Variants in CBX3 observed in about 807,000 individuals in gnomAD.
The protein encoded by CBX3 is chromobox 3.
A neutral mutation model predicts 22.6 loss-of-function variants in CBX3; 5 were observed. That is an observed-to-expected ratio of 0.22 (90% CI 0.12 to 0.47). The LOEUF is 0.47. CBX3 is among the 20% of genes least tolerant of loss of function. The pLI, the probability that CBX3 is intolerant of heterozygous loss-of-function variation, is 0.99. For synonymous variants in CBX3, 50 were observed against 66.6 expected, an observed-to-expected ratio of 0.75 and a Z score of 1.21; for missense variants, 83 against 208.1, an observed-to-expected ratio of 0.40 and a Z score of 3.70.
At chr7:26,211,612 A>G (rs376571594) in intron 4 of CBX3, 50 bp from the exon 5 acceptor site, 1 of 1,186,490 alleles carries the variant, frequency 8.4e-7, no homozygotes, top group East Asian at 2.4e-5. Flanking sequence ...ACGCCATGAA[A>G]ACAATTTAAT....
At chr7:26,201,555 G>C (rs1379301740), upstream of CBX3, 1 of 150,928 alleles carries the variant, frequency 6.6e-6, no homozygotes, top group Non-Finnish European at 1.5e-5. Flanking sequence ...GCGCCACGCC[G>C]CGAACGGTAA....
rs539615297 is a variant in CBX3 at position 26,204,567 on chromosome 7, G to A, written c.24+1545G>A. On this transcript the variant is annotated intron_variant, in intron 2 of 5. Transcript: ENST00000396386. ...CAGGGGATTTTTATTTTGTGTGTGTGTATGTGTTACCTATATGCTTGCATA... is the reference window on the plus strand; with the variant it reads ...CAGGGGATTTTTATTTTGTGTGTGTATATGTGTTACCTATATGCTTGCATA... Among the ~76,000 whole-genome samples the A allele has an allele frequency of 2.6e-5, 4 of 152,240 alleles. No homozygotes were observed. In the East Asian group the frequency reaches 7.7e-4, roughly 29 times the overall value.
rs558509108 is a variant in CBX3 at position 26,212,247 on chromosome 7, T to C, written c.*39T>C. On this transcript the variant is annotated 3_prime_UTR_variant, in exon 6 of 6. Transcript: ENST00000396386. ...TCTTTTATATATATTTATATATATA[T>C]ATAAAAATTGGGTCTTAGATTTTGA... 4 of 1,117,668 alleles carry C rather than the reference T, an allele frequency of 3.6e-6. No homozygotes were observed. In the East Asian group the frequency reaches 1.1e-4, roughly 30 times the overall value. The allele number at this position is 1,117,668 out of a possible 1,614,324, so 69.2% of individuals were successfully genotyped here. A position where few individuals can be genotyped will look rare whatever the true frequency, so the allele number is the denominator to read the frequency against.
chr7:26,203,575 G>A (rs1211161049), intron 2 of CBX3, among the ~76,000 whole-genome samples: 1 of 151,844 alleles, frequency 6.6e-6, no homozygotes, highest in East Asian at 1.9e-4. Context: ...GATCGAAATC[G>A]CAAATATGAG....
rs1034102549 is a variant in CBX3, at chr7:26,213,592, G to T, written c.*1384G>T. 3.9e-5 allele frequency among the ~76,000 whole-genome samples: 6 copies of T among 152,144 alleles called. No individual in the cohort carries two copies. Among genetic ancestry groups the T allele is most frequent in the Admixed American group, 1.3e-4 (2 of 15,270 alleles). ...CTAGGGTCAATTGTCTCATTAAAAT[G>T]AGGTTTTAAATTCTGGTTTGTTGTA... On this transcript the variant is annotated 3_prime_UTR_variant, in exon 6 of 6. Coordinates refer to ENST00000396386, the MANE Select transcript of CBX3 (RefSeq NM_016587.4).
intron 2 of CBX3, among the ~76,000 whole-genome samples, chr7:26,205,058 G>A (rs1784643752): frequency 6.6e-6 from 1 of 152,162 alleles, no homozygotes; most frequent in Non-Finnish European, 1.5e-5. Context: ...CAAAGTGCTG[G>A]GATTACAGGC....
intron 1 of CBX3, 64 bp from the exon 2 acceptor site, chr7:26,202,907 A>T: frequency 9.9e-7 from 1 of 1,013,040 alleles, no homozygotes; most frequent in Admixed American, 1.8e-5. Context: ...TCCAAACAGA[A>T]TTTGTATTTA....
intron 4 of CBX3, among the ~76,000 whole-genome samples, chr7:26,211,215 T>C (rs1784796902): frequency 6.6e-6 from 1 of 152,252 alleles, no homozygotes; most frequent in Admixed American, 6.5e-5. Context: ...TTTAGAATGA[T>C]TACAGATAGT....
At chr7:26,208,620 T>C in intron 4 of CBX3, 65 bp downstream of exon 4, 2 of 1,446,412 alleles carry the variant, frequency 1.4e-6, no homozygotes, top group Non-Finnish European at 9.5e-7. Flanking sequence ...GATTTCTTTT[T>C]TGTTTGTTTG....
chr7:26,206,192 A>C (rs1784671660), intron 2 of CBX3, 176 bp from the exon 3 acceptor site: 1 of 553,106 alleles, frequency 1.8e-6, no homozygotes, highest in Non-Finnish European at 3.2e-6. Context: ...GAACAAGATA[A>C]AGCATTCTTT....
chr7:26,210,821 C>T (rs1229133797), intron 4 of CBX3, among the ~76,000 whole-genome samples: 3 of 151,932 alleles, frequency 2.0e-5, no homozygotes, highest in East Asian at 1.9e-4. Context: ...ATTGCTGTGG[C>T]GGATCATTTT....
intron 2 of CBX3, chr7:26,206,163 T>C (rs1784670962): frequency 1.0e-5 from 5 of 483,676 alleles, no homozygotes; most frequent in Non-Finnish European, 1.8e-5. Flanking sequence ...TGGTGGTGGG[T>C]TGTAAGTTTG....
intron 2 of CBX3, among the ~76,000 whole-genome samples, chr7:26,205,194 C>A (rs1051704543): frequency 6.6e-6 from 1 of 152,128 alleles, no homozygotes; most frequent in Admixed American, 6.5e-5. Context: ...TTAATCCTCT[C>A]ATAAAAATTT....
intron 2 of CBX3, among the ~76,000 whole-genome samples, chr7:26,204,028 C>G (rs1204345092): frequency 6.6e-6 from 1 of 152,118 alleles, no homozygotes; most frequent in Non-Finnish European, 1.5e-5. Context: ...TCTTAACTTT[C>G]CATTTTAAAA....
At chr7:26,211,364 TAAAG>T (rs1048525379) in intron 4 of CBX3, among the ~76,000 whole-genome samples, 1 of 152,166 alleles carries the variant, frequency 6.6e-6, no homozygotes, top group Non-Finnish European at 1.5e-5. Flanking sequence ...TTACCAGAAA[TAAAG>T]AGGTTAGTTT....
intron 1 of CBX3, 152 bp from the exon 2 acceptor site, chr7:26,202,819 C>G: frequency 1.5e-6 from 1 of 655,992 alleles, no homozygotes; most frequent in Non-Finnish European, 2.7e-6. Flanking sequence ...ACATCATAAG[C>G]AATGTAGGTA....
chr7:26,208,036 C>T (rs6955003), intron 3 of CBX3: 1 of 155,066 alleles, frequency 6.4e-6, no homozygotes, highest in African/African-American at 2.5e-5. Context: ...CAAAATGAGA[C>T]CCCTTCTCTA....
At chr7:26,202,355 T>A (rs1358462153) in intron 1 of CBX3, 3 of 152,372 alleles carry the variant, frequency 2.0e-5, no homozygotes, top group African/African-American at 7.2e-5. Flanking sequence ...GCGGATGCGC[T>A]GACCACGAGG....
chr7:26,203,529 T>G (rs1784601437), intron 2 of CBX3, among the ~76,000 whole-genome samples: 1 of 152,202 alleles, frequency 6.6e-6, no homozygotes, highest in Non-Finnish European at 1.5e-5. Flanking sequence ...AATATTAAGT[T>G]TAATTCATTG....
Sources: allele counts gnomAD v4.1 joint callset (sites outside exome capture counted in the v4.1 genomes callset), GRCh38; gene constraint gnomAD v4.1.1; transcripts MANE v1.5; gene names NCBI Gene and HGNC (gene_info 2026-07-23, HGNC 2026-07-21).